ANPEP: variants seen among roughly 807,000 people sequenced by gnomAD.
ANPEP encodes the protein alanyl aminopeptidase, membrane.
A neutral mutation model predicts 114.6 loss-of-function variants in ANPEP; 70 were observed. That is an observed-to-expected ratio of 0.61 (90% CI 0.50 to 0.75). ANPEP has a LOEUF of 0.75. Among genes scored for constraint, ANPEP ranks in the 30% least tolerant of loss-of-function variants. The pLI is 0.00. For missense variants in ANPEP, 1,184 were observed against 1,259.5 expected (o/e 0.94, Z 0.91); for synonymous variants, 548 against 522.3 (o/e 1.05, Z -0.67).
chr15:89,799,160 A>T lies in ANPEP; in HGVS notation c.2009+100T>A, dbSNP rs1443837241. On this transcript the variant is annotated intron_variant, in intron 14 of 20. Coordinates refer to ENST00000300060, the MANE Select transcript of ANPEP (RefSeq NM_001150.3). The surrounding 1 kb of genome is among the most constrained non-coding windows in gnomAD (Gnocchi z 4.2). The stretch of plus-strand genomic sequence containing the variant: ...AGGAGCTCAGGGCACAGCACGTGGC[A>T]TATGGGAAGGGCAGCAGGAGGAGCA... 2 of 1,389,336 alleles carry T rather than the reference A, an allele frequency of 1.4e-6. No individual in the cohort carries two copies. The highest frequency in any genetic ancestry group is 2.0e-6 in the Non-Finnish European group (2 of 983,860). The allele number at this position is 1,389,336 out of a possible 1,614,324, so 86.1% of individuals were successfully genotyped here. A position where few individuals can be genotyped will look rare whatever the true frequency, so the allele number is the denominator to read the frequency against.
At chr15:89,794,082 G>A (rs544473754) in intron 15 of ANPEP, among the ~76,000 whole-genome samples, 15 of 152,320 alleles carry the variant, frequency 9.8e-5, no homozygotes, top group East Asian at 1.9e-4. Flanking sequence ...CAGCTGGGAC[G>A]CGCAGAAAGG....
intron 15 of ANPEP, 40 bp from the exon 16 acceptor site, chr15:89,793,166 C>T (rs1968665684): frequency 6.5e-7 from 1 of 1,547,552 alleles, no homozygotes; most frequent in Non-Finnish European, 8.9e-7. Flanking sequence ...AAGACTCATG[C>T]CTGACCTGCC....
At chr15:89,791,815 G>A (rs1968633178) in intron 18 of ANPEP, among the ~76,000 whole-genome samples, 1 of 151,938 alleles carries the variant, frequency 6.6e-6, no homozygotes, top group Non-Finnish European at 1.5e-5. Flanking sequence ...TGGGAGGTGG[G>A]GACCCTCATC....
At position 89,801,126 on chromosome 15, in the gene ANPEP, G is replaced by A; in HGVS notation, c.1804C>T (p.Leu602=). 1.2e-6 allele frequency: 2 copies of A among 1,614,118 alleles called. No individual in the cohort carries two copies. The highest frequency in any genetic ancestry group is 1.7e-6 in the Non-Finnish European group (2 of 1,180,006). The change falls in exon 12 of 21, where the codon CTG becomes TTG. Residue 602 remains leucine, a synonymous_variant. Coordinates refer to ENST00000300060, the MANE Select transcript of ANPEP (RefSeq NM_001150.3). The part of the protein sequence containing the change: ...RDGRQQQDYW[L]IDVRAQNDLF... Reference sequence around the variant, plus strand: ...GCTGGATTACCTCTTACATCTATCAGCCAGTAGTCCTGCTGCTGTCTGCCA... The same window carrying A: ...GCTGGATTACCTCTTACATCTATCAACCAGTAGTCCTGCTGCTGTCTGCCA...
Position 89,806,728 on chromosome 15 carries a change from C to A in ANPEP, c.-145G>T. ...AACCAGGGCTCCAACAGGCGAAGGT[C>A]ACTGGACTGGGCAGGGGCACGCTCC... On this transcript the variant is annotated 5_prime_UTR_variant, in exon 2 of 21. Coordinates refer to ENST00000300060, the MANE Select transcript of ANPEP (RefSeq NM_001150.3). The surrounding 1 kb of genome is among the most constrained non-coding windows in gnomAD (Gnocchi z 5.7). The A allele has an allele frequency of 7.5e-7, 1 of 1,332,042 alleles. No individual in the cohort carries two copies. The highest frequency in any genetic ancestry group is 1.0e-6 in the Non-Finnish European group (1 of 1,004,890). The allele number at this position is 1,332,042 out of a possible 1,614,324, so 82.5% of individuals were successfully genotyped here.
At chr15:89,798,024 C>G (rs1414849898) in intron 14 of ANPEP, among the ~76,000 whole-genome samples, 2 of 152,252 alleles carry the variant, frequency 1.3e-5, no homozygotes, top group South Asian at 4.1e-4. Flanking sequence ...AGTGAAGTGA[C>G]TTGCCCAAGG....
Position 89,805,425 on chromosome 15 carries a change from C to T in ANPEP, c.653G>A (p.Arg218Gln), listed in dbSNP as rs760341307. 2.5e-6 allele frequency: 4 copies of T among 1,614,160 alleles called. No individual in the cohort carries two copies. Among genetic ancestry groups the T allele is most frequent in the South Asian group, 1.1e-5 (1 of 91,084 alleles). The part of the protein sequence containing the change: ...ATTQMQAADA[R>Q]KSFPCFDEPA... ...CTCATCGAAGCATGGGAAGGACTTC[C>T]GGGCATCTGCAGCCTGCATCTGTGT... Residue 218 changes from arginine to glutamine, a missense_variant, in exon 3 of 21, where the codon CGG (arginine) becomes CAG (glutamine). Coordinates refer to ENST00000300060, the MANE Select transcript of ANPEP (RefSeq NM_001150.3).
In ANPEP at chr15:89,806,362, G is replaced by A. The variant is rs907277937; in HGVS notation, c.222C>T (p.Tyr74=). The A allele has an allele frequency of 1.2e-6, 2 of 1,614,182 alleles. No homozygotes were observed. The highest frequency in any genetic ancestry group is 2.7e-5 in the African/African-American group (2 of 75,036). The change falls in exon 2 of 21, where the codon TAC becomes TAT. Residue 74 remains tyrosine, a synonymous_variant. Transcript: ENST00000300060. The surrounding 1 kb of genome is among the most constrained non-coding windows in gnomAD (Gnocchi z 5.7). Reference sequence around the variant, plus strand: ...CGGGTTTCAGCGTGTTGGGGAGGCGGTAACGATTCCACGCTTTACTTTGGT... The same window carrying A: ...CGGGTTTCAGCGTGTTGGGGAGGCGATAACGATTCCACGCTTTACTTTGGT... ...TLDQSKAWNR[Y]RLPNTLKPDS...
chr15:89,804,829 T>C, intron 4 of ANPEP: 1 of 816,768 alleles, frequency 1.2e-6, no homozygotes, highest in South Asian at 1.8e-5. Context: ...AGAATAACAA[T>C]CATCATAGCC....
intron 1 of ANPEP, among the ~76,000 whole-genome samples, chr15:89,812,977 G>A (rs1894842559): frequency 1.3e-5 from 2 of 152,268 alleles, no homozygotes; most frequent in East Asian, 3.9e-4. Flanking sequence ...GCCAGGGAGT[G>A]CTGGGGGCTG....
rs1009794190 is a variant in ANPEP, at chr15:89,785,053, A to T, written c.*296T>A. The T allele has an allele frequency of 2.7e-6, 1 of 368,490 alleles. No individual in the cohort carries two copies. The highest frequency in any genetic ancestry group is 3.9e-5 in the Admixed American group (1 of 25,520). 22.8% of individuals were successfully genotyped at this position (368,490 alleles called of 1,614,324 possible). ...CATTGTCCATCGAGAGCTTCTGCTC[A>T]TCTGGCCCTGGAGCTGGGCTTCCCT... On this transcript the variant is annotated 3_prime_UTR_variant, in exon 21 of 21. Coordinates refer to ENST00000300060, the MANE Select transcript of ANPEP (RefSeq NM_001150.3).
At chr15:89,795,716 A>T (rs1232551382) in intron 15 of ANPEP, among the ~76,000 whole-genome samples, 1 of 152,200 alleles carries the variant, frequency 6.6e-6, no homozygotes, top group Non-Finnish European at 1.5e-5. Context: ...GAATAAAGAC[A>T]TTTCAGATGA....
chr15:89,801,040 C>A (rs1171927376), intron 12 of ANPEP, 71 bp downstream of exon 12: 21 of 1,361,976 alleles, frequency 1.5e-5, no homozygotes, highest in Non-Finnish European at 2.2e-5. Context: ...CCCATCACAG[C>A]CCTCAGAACA....
chr15:89,798,371 T>A (rs1968769464), intron 14 of ANPEP, among the ~76,000 whole-genome samples: 1 of 152,120 alleles, frequency 6.6e-6, no homozygotes, highest in Non-Finnish European at 1.5e-5. Flanking sequence ...GCACGGTGGC[T>A]CACACCTATA....
intron 15 of ANPEP, chr15:89,797,370 C>T (rs547538564): frequency 1.5e-6 from 1 of 661,150 alleles, no homozygotes. Context: ...CACTCACCTC[C>T]ATGTCCCTCC....
intron 15 of ANPEP, 72 bp downstream of exon 15, chr15:89,797,503 T>C: frequency 6.5e-7 from 1 of 1,536,060 alleles, no homozygotes; most frequent in South Asian, 1.3e-5. Flanking sequence ...CAATAGTCTA[T>C]TAACTTCCTA....
chr15:89,810,579 AG>A (rs1894799687), intron 1 of ANPEP, among the ~76,000 whole-genome samples: 3 of 151,702 alleles, frequency 2.0e-5, no homozygotes, highest in Admixed American at 6.6e-5. Flanking sequence ...GTTTCAAAAA[AG>A]AAAAAAAAAA....
chr15:89,803,401 G>A lies in ANPEP; in HGVS notation c.1503+41C>T, dbSNP rs1233802260. On this transcript the variant is annotated intron_variant, in intron 9 of 20. Coordinates refer to ENST00000300060, the MANE Select transcript of ANPEP (RefSeq NM_001150.3). The surrounding 1 kb of genome is among the most constrained non-coding windows in gnomAD (Gnocchi z 4.2). ...CCCGGGTCAAGGGCGAGGGGCAGAA[G>A]GAGACCCACCCTCATGGCTGGCCCA... 14 of 1,612,592 alleles carry A rather than the reference G, an allele frequency of 8.7e-6. No individual in the cohort carries two copies. Among genetic ancestry groups the A allele is most frequent in the Non-Finnish European group, 1.2e-5 (14 of 1,179,178 alleles).
Position 89,806,979 on chromosome 15 carries a change from T to G in ANPEP, c.-223-173A>C. ...GTGGGAACAGCATCAGAACTGAGGT[T>G]AGAGTCAGGGAAGGACTTCCCAGGG... is the stretch of plus-strand genomic sequence containing the variant. On this transcript the variant is annotated intron_variant, in intron 1 of 20. Transcript: ENST00000300060. This position sits in a 1 kb window ranked among gnomAD's most constrained non-coding sequence, Gnocchi z 5.7. 1 of 186,234 alleles carries G rather than the reference T, an allele frequency of 5.4e-6. No homozygotes were observed. The highest frequency in any genetic ancestry group is 1.2e-4 in the South Asian group (1 of 8,388). 11.5% of individuals were successfully genotyped at this position (186,234 alleles called of 1,614,324 possible). A position where few individuals can be genotyped will look rare whatever the true frequency, so the allele number is the denominator to read the frequency against.
Sources: gnomAD v4.1 joint callset for allele counts (sites outside exome capture counted in the v4.1 genomes callset) on GRCh38, gnomAD v4.1.1 for gene constraint, Gnocchi (gnomAD v3.1) non-coding constraint, MANE v1.5 for transcripts, NCBI Gene and HGNC (gene_info 2026-07-23, HGNC 2026-07-21) for gene names.